LNX1: variants seen among roughly 807,000 people sequenced by gnomAD.
The protein encoded by LNX1 is ligand of numb-protein X 1.
A neutral mutation model predicts 68.4 loss-of-function variants in LNX1; 54 were observed. The observed-to-expected ratio is 0.79, with a 90% CI of 0.63 to 0.99. The LOEUF (loss-of-function observed/expected upper bound fraction) is 0.99. Among genes scored for constraint, LNX1 ranks in the 50% least tolerant of loss-of-function variants. The pLI is 0.00. For synonymous variants in LNX1, 336 were observed against 350.0 expected (o/e 0.96, Z 0.45); for missense variants, 906 against 926.4 (o/e 0.98, Z 0.29).
chr4:53,597,035 T>C (rs924288017), intron 2 of LNX1, among the ~76,000 whole-genome samples: 1 of 152,230 alleles, frequency 6.6e-6, no homozygotes, highest in African/African-American at 2.4e-5. Flanking sequence ...TGTTCCTTAC[T>C]AGTTTCACTT....
In LNX1 at chr4:53,471,559, A is replaced by T. The variant is rs180870719; in HGVS notation, c.1892+5194T>A. On this transcript the variant is annotated intron_variant, in intron 9 of 10. Coordinates refer to ENST00000263925, the MANE Select transcript of LNX1 (RefSeq NM_001126328.3). Reference sequence around the variant, plus strand: ...TACCATCAGAGTGAACAGGCAACCTACAGAATGGGAGAACATTTTTGCAAT... The same window carrying T: ...TACCATCAGAGTGAACAGGCAACCTTCAGAATGGGAGAACATTTTTGCAAT... Among the ~76,000 whole-genome samples, 86 of 152,324 alleles carry T rather than the reference A, an allele frequency of 5.6e-4. 1 individual carries two copies. The East Asian group carries it at 0.013, about 23-fold the overall frequency.
intron 10 of LNX1, 127 bp from the exon 11 acceptor site, chr4:53,461,169 A>T: frequency 1.3e-6 from 1 of 793,636 alleles, no homozygotes; most frequent in East Asian, 2.7e-5. Flanking sequence ...CTTCTAATTG[A>T]GATATTTCTT....
Position 53,496,390 on chromosome 4 carries a change from T to C in LNX1, c.983A>G (p.Asn328Ser), listed in dbSNP as rs1725063022. 1 of 1,602,234 alleles carries C rather than the reference T, an allele frequency of 6.2e-7. No individual in the cohort carries two copies. ...LLPGDIILKV[N>S]GMDISNVPHN... ...AGGGACATTGCTGATGTCCATCCCG[T>C]TGACCTGGGGGCAGGTGGAACAATC... The change falls in exon 6 of 11, where the codon AAC (asparagine) becomes AGC (serine). Residue 328 changes from asparagine (N) to serine (S), a missense_variant. Physicochemically the swap from Asn to Ser is conservative, Grantham distance 46 (BLOSUM62 1). Coordinates refer to ENST00000263925, the MANE Select transcript of LNX1 (RefSeq NM_001126328.3).
At chr4:53,490,246 A>T (rs138737055) in intron 6 of LNX1, among the ~76,000 whole-genome samples, 1 of 152,200 alleles carries the variant, frequency 6.6e-6, no homozygotes, top group African/African-American at 2.4e-5. Flanking sequence ...GGAATTGCCT[A>T]TGGAAAAAAG....
chr4:53,561,234 C>A (rs1730265305), intron 2 of LNX1, among the ~76,000 whole-genome samples: 2 of 151,972 alleles, frequency 1.3e-5, no homozygotes, highest in Admixed American at 1.3e-4. Context: ...TATTTCTTTT[C>A]TTTTCTTTTT....
chr4:53,611,368 TTCAA>T (rs1420929976), intron 2 of LNX1, among the ~76,000 whole-genome samples: 1 of 152,072 alleles, frequency 6.6e-6, no homozygotes, highest in Non-Finnish European at 1.5e-5. Flanking sequence ...GATAGGAAAA[TTCAA>T]TGCCATAAAG....
intron 6 of LNX1, among the ~76,000 whole-genome samples, chr4:53,486,096 T>C (rs185238604): frequency 3.3e-5 from 5 of 152,210 alleles, no homozygotes; most frequent in African/African-American, 1.2e-4. Flanking sequence ...AGGCAAATTC[T>C]GGACACACTG....
rs571503135 is a variant in LNX1 at position 53,581,605 on chromosome 4, C to A, written c.-86-7517G>T. Reference sequence around the variant, plus strand: ...AAAACATGTCTAACATGGTGGCAGGCGAGAGAACATGTGCAGGGGAACCGC... The same window carrying A: ...AAAACATGTCTAACATGGTGGCAGGAGAGAGAACATGTGCAGGGGAACCGC... On this transcript the variant is annotated intron_variant, in intron 1 of 10. Coordinates refer to ENST00000263925, the MANE Select transcript of LNX1 (RefSeq NM_001126328.3). Among the ~76,000 whole-genome samples the A allele has an allele frequency of 9.9e-5, 15 of 152,212 alleles. No homozygotes were observed. The South Asian group carries it at 2.9e-3, about 29-fold the overall frequency.
At chr4:53,627,458 T>C (rs1220292026) in intron 1 of LNX1, among the ~76,000 whole-genome samples, 1 of 152,226 alleles carries the variant, frequency 6.6e-6, no homozygotes, top group Non-Finnish European at 1.5e-5. Flanking sequence ...GACTCTCACA[T>C]TATTTCAATG....
At chr4:53,520,238 C>T (rs1431185131) in intron 2 of LNX1, among the ~76,000 whole-genome samples, 1 of 152,174 alleles carries the variant, frequency 6.6e-6, no homozygotes, top group African/African-American at 2.4e-5. Context: ...TGCAGGGCTT[C>T]CCAGGGACTG....
At chr4:53,615,611 C>A (rs961810095) in intron 2 of LNX1, among the ~76,000 whole-genome samples, 98 of 152,138 alleles carry the variant, frequency 6.4e-4, no homozygotes, top group African/African-American at 2.2e-3. Context: ...GCTTAGCCAA[C>A]CCACAGAATT....
At chr4:53,505,772 A>G (rs1725827646) in intron 4 of LNX1, among the ~76,000 whole-genome samples, 1 of 152,228 alleles carries the variant, frequency 6.6e-6, no homozygotes, top group Non-Finnish European at 1.5e-5. Context: ...TCGCTGATAC[A>G]GGTGCTTCAA....
intron 1 of LNX1, among the ~76,000 whole-genome samples, chr4:53,623,940 A>G (rs1462839607): frequency 6.6e-6 from 1 of 152,176 alleles, no homozygotes; most frequent in African/African-American, 2.4e-5. Context: ...TTGAATACAA[A>G]CTTGCATCAA....
At chr4:53,463,980 G>A (rs909076326) in intron 9 of LNX1, among the ~76,000 whole-genome samples, 1 of 152,068 alleles carries the variant, frequency 6.6e-6, no homozygotes, top group African/African-American at 2.4e-5. Flanking sequence ...AAGTGCATCA[G>A]CCAAAGCCAG....
chr4:53,629,996 C>A (rs1734210591), intron 1 of LNX1, among the ~76,000 whole-genome samples: 1 of 151,960 alleles, frequency 6.6e-6, no homozygotes, highest in Admixed American at 6.6e-5. Context: ...CTAATATTTT[C>A]TACTAAGTTT....
chr4:53,487,231 G>A (rs1724368790), intron 6 of LNX1, among the ~76,000 whole-genome samples: 1 of 152,190 alleles, frequency 6.6e-6, no homozygotes, highest in Non-Finnish European at 1.5e-5. Flanking sequence ...CCTTGGCATT[G>A]CATGAGTCCA....
upstream of LNX1, among the ~76,000 whole-genome samples, chr4:53,595,976 C>G (rs201258597): frequency 0.014 from 101 of 7,010 alleles, 1 homozygote; most frequent in Non-Finnish European, 4.7e-3. Context: ...TCTACAAAAA[C>G]CTCTTTGGCT....
intron 1 of LNX1, among the ~76,000 whole-genome samples, chr4:53,589,268 A>G (rs1732361771): frequency 6.6e-6 from 1 of 152,192 alleles, no homozygotes; most frequent in African/African-American, 2.4e-5. Flanking sequence ...AACTCCTAAA[A>G]GCTTTGCCTG....
At chr4:53,570,661 TAATAATA>T (rs1201587263) in intron 2 of LNX1, among the ~76,000 whole-genome samples, 2 of 99,074 alleles carry the variant, frequency 2.0e-5, no homozygotes, top group African/African-American at 7.6e-5. Flanking sequence ...ACTTAAAGTA[TAATAATA>T]AATAAATAAA....
Sources: allele counts gnomAD v4.1 joint callset (sites outside exome capture counted in the v4.1 genomes callset), GRCh38; gene constraint gnomAD v4.1.1; transcripts MANE v1.5; gene names NCBI Gene and HGNC (gene_info 2026-07-23, HGNC 2026-07-21).